PKD2L2: variants seen among roughly 807,000 people sequenced by gnomAD.
PKD2L2 encodes the protein polycystin-2-like protein 2.
Under a neutral mutation model 83.9 loss-of-function variants are expected in PKD2L2, and 67 were observed. The ratio of observed to expected loss-of-function variants is 0.80; its 90% CI spans 0.66 to 0.98. PKD2L2 has a LOEUF of 0.98. Among genes scored for constraint, PKD2L2 ranks in the 50% least tolerant of loss-of-function variants. PKD2L2 has a pLI of 0.00. For missense variants in PKD2L2, 632 were observed against 717.2 expected, an observed-to-expected ratio of 0.88 and a Z score of 1.36; for synonymous variants, 223 against 237.8, an observed-to-expected ratio of 0.94 and a Z score of 0.57.
chr5:137,910,494 C>T (rs887009568), intron 8 of PKD2L2, among the ~76,000 whole-genome samples: 4 of 151,602 alleles, frequency 2.6e-5, no homozygotes, highest in Admixed American at 6.6e-5. Flanking sequence ...CTGGATGGGC[C>T]GGGTGCGATG....
intron 4 of PKD2L2, among the ~76,000 whole-genome samples, chr5:137,896,337 T>C (rs1003123467): frequency 7.9e-5 from 12 of 152,248 alleles, no homozygotes. Context: ...TCTTCTGGTA[T>C]ATACTTTGTC....
intron 10 of PKD2L2, among the ~76,000 whole-genome samples, chr5:137,924,058 A>G (rs1759164179): frequency 6.6e-6 from 1 of 152,114 alleles, no homozygotes; most frequent in Non-Finnish European, 1.5e-5. Context: ...TCTTGCTTAC[A>G]TTTGTGGAAT....
At chr5:137,931,077 A>G (rs1281082434) in intron 12 of PKD2L2, among the ~76,000 whole-genome samples, 1 of 152,116 alleles carries the variant, frequency 6.6e-6, no homozygotes, top group Non-Finnish European at 1.5e-5. Context: ...TTTTTTGTAT[A>G]ACTCTATGAA....
rs200078301 is a variant in PKD2L2 at position 137,940,140 on chromosome 5, G to T, written c.*18-2244G>T. ...AGATTCTCTGAGTGCCTGACAAAAC[G>T]AATTTAAGTACCAGCCAAGTACACA... On this transcript the variant is annotated intron_variant, in intron 14 of 14. Transcript: ENST00000508883. The T allele has an allele frequency of 5.5e-5, 88 of 1,613,718 alleles. No homozygotes were observed. In the Admixed American group the frequency reaches 1.3e-3, roughly 24 times the overall value.
intron 12 of PKD2L2, among the ~76,000 whole-genome samples, chr5:137,929,559 A>C (rs1397150893): frequency 6.8e-6 from 1 of 147,752 alleles, no homozygotes; most frequent in Non-Finnish European, 1.5e-5. Flanking sequence ...AAAAAAAAAA[A>C]CAGACCACAC....
At chr5:137,909,128 C>T (rs1350750645) in intron 8 of PKD2L2, among the ~76,000 whole-genome samples, 182 bp downstream of exon 8, 7 of 152,102 alleles carry the variant, frequency 4.6e-5, no homozygotes, top group Non-Finnish European at 8.8e-5. Flanking sequence ...AAGCCTCAAA[C>T]TTCTGGACTC....
chr5:137,926,934 T>C (rs1317138105), intron 12 of PKD2L2, among the ~76,000 whole-genome samples: 10 of 152,164 alleles, frequency 6.6e-5, no homozygotes, highest in Non-Finnish European at 1.2e-4. Flanking sequence ...ATCCCCCATG[T>C]ATACCAAAGG....
intron 4 of PKD2L2, among the ~76,000 whole-genome samples, chr5:137,895,214 T>A (rs1415879696): frequency 6.6e-6 from 1 of 152,082 alleles, no homozygotes; most frequent in African/African-American, 2.4e-5. Context: ...ACACCTGTAA[T>A]CCCAGCACTT....
At chr5:137,910,790 AAAAAC>A (rs1757768099) in intron 8 of PKD2L2, among the ~76,000 whole-genome samples, 1 of 63,892 alleles carries the variant, frequency 1.6e-5, no homozygotes, top group African/African-American at 4.3e-5. Context: ...AAAAAAAAAG[AAAAAC>A]AAAAAAAAAA....
chr5:137,938,625 T>G (rs1760808122), intron 14 of PKD2L2: 1 of 152,460 alleles, frequency 6.6e-6, no homozygotes, highest in Admixed American at 6.6e-5. Context: ...CAACTACACA[T>G]TCACTACCAG....
In PKD2L2 at chr5:137,921,711, C is replaced by T. The variant is rs367676717; in HGVS notation, c.1404C>T (p.Pro468=). ...AGCAAGCCAATCCTATCTTGGGACC[C>T]ATTTACTTCATCACTTTCATCTTTT... ...GIQQANPILG[P]IYFITFIFFV... Residue 468 remains proline (P), a synonymous_variant, in exon 9 of 15, where the codon CCC becomes CCT. Transcript: ENST00000508883. 6.2e-6 allele frequency: 10 copies of T among 1,608,482 alleles called. No homozygotes were observed. In the African/African-American group the frequency reaches 1.3e-4, roughly 22 times the overall value.
chr5:137,935,897 A>C lies in PKD2L2; in HGVS notation c.1772A>C (p.Glu591Ala), dbSNP rs759306908. 3 of 1,555,244 alleles carry C rather than the reference A, an allele frequency of 1.9e-6. No homozygotes were observed. The highest frequency in any genetic ancestry group is 1.1e-5 in the South Asian group (1 of 89,740). ...IQDDYQPVTQ[E>A]EFRELFLYAV... ...GATGACTACCAGCCTGTCACTCAAG[A>C]AGAATTTCGAGAGTAAGCTTATGTT... Residue 591 changes from glutamate to alanine, a missense_variant, in exon 13 of 15, where the codon GAA becomes GCA. Around this residue, in one of 3 missense-constraint regions of PKD2L2, gnomAD observed 399 missense variants for 416.9 expected, o/e 0.96. Transcript: ENST00000508883.
At chr5:137,914,560 G>C (rs1019052819) in intron 8 of PKD2L2, among the ~76,000 whole-genome samples, 1 of 152,158 alleles carries the variant, frequency 6.6e-6, no homozygotes, top group East Asian at 1.9e-4. Context: ...CTATAAATAA[G>C]GTCATATCAT....
intron 1 of PKD2L2, 76 bp from the exon 2 acceptor site, chr5:137,890,405 G>A: frequency 2.6e-6 from 2 of 760,282 alleles, no homozygotes; most frequent in Non-Finnish European, 4.5e-6. Context: ...GACTAAAAGT[G>A]GCTGTGGTTT....
At chr5:137,910,790 A>G (rs1286435864) in intron 8 of PKD2L2, among the ~76,000 whole-genome samples, 1 of 63,892 alleles carries the variant, frequency 1.6e-5, no homozygotes, top group Non-Finnish European at 3.7e-5. Context: ...AAAAAAAAAG[A>G]AAAACAAAAA....
intron 8 of PKD2L2, among the ~76,000 whole-genome samples, chr5:137,917,592 T>C (rs776785239): frequency 2.0e-5 from 3 of 152,158 alleles, no homozygotes; most frequent in Non-Finnish European, 4.4e-5. Flanking sequence ...TCATTTTGGT[T>C]ATTATTTTTC....
chr5:137,935,400 G>A (rs896091023), intron 12 of PKD2L2, among the ~76,000 whole-genome samples: 1 of 152,114 alleles, frequency 6.6e-6, no homozygotes, highest in Non-Finnish European at 1.5e-5. Context: ...CTGCTGGGAA[G>A]GCCAAAAATA....
chr5:137,897,930 TAATTA>T (rs1324362927), intron 4 of PKD2L2, among the ~76,000 whole-genome samples: 1 of 151,750 alleles, frequency 6.6e-6, no homozygotes, highest in Admixed American at 6.6e-5. Context: ...GGATATCCTG[TAATTA>T]AATTAAAAAA....
At chr5:137,892,803 G>A (rs536830765) in intron 3 of PKD2L2, among the ~76,000 whole-genome samples, 190 bp downstream of exon 3, 1 of 152,280 alleles carries the variant, frequency 6.6e-6, no homozygotes, top group South Asian at 2.1e-4. Context: ...TACTATTCTT[G>A]TAATTTTTTA....
Sources: gnomAD v4.1 joint callset for allele counts (sites outside exome capture counted in the v4.1 genomes callset) on GRCh38, gnomAD v4.1.1 for gene constraint, gnomAD v4.1.1 regional missense constraint, MANE v1.5 for transcripts, NCBI Gene and HGNC (gene_info 2026-07-23, HGNC 2026-07-21) for gene names.